The following CACHD1 variants were observed in gnomAD, a reference collection of about 807,000 sequenced individuals.
CACHD1 encodes cache domain containing 1.
CACHD1 carries 71 observed loss-of-function variants against 138.7 expected under a neutral mutation model. The ratio of observed to expected loss-of-function variants is 0.51; its 90% CI spans 0.42 to 0.62. The LOEUF (loss-of-function observed/expected upper bound fraction) is 0.62. Among genes scored for constraint, CACHD1 ranks in the 20% least tolerant of loss-of-function variants. The pLI, the probability that CACHD1 is intolerant of heterozygous loss-of-function variation, is 0.00. For synonymous variants in CACHD1, 578 were observed against 591.5 expected, an observed-to-expected ratio of 0.98 and a Z score of 0.33; for missense variants, 1,389 against 1,625.3, an observed-to-expected ratio of 0.85 and a Z score of 2.50.
At chr1:64,574,104 A>C (rs913731390) in intron 2 of CACHD1, among the ~76,000 whole-genome samples, 5 of 152,222 alleles carry the variant, frequency 3.3e-5, no homozygotes, top group African/African-American at 1.2e-4. Flanking sequence ...TAGAATTTAG[A>C]TAATTTGATC....
intron 1 of CACHD1, among the ~76,000 whole-genome samples, chr1:64,499,269 C>T (rs932589740): frequency 8.5e-5 from 13 of 152,286 alleles, no homozygotes; most frequent in African/African-American, 2.2e-4. Flanking sequence ...TTCACCATTG[C>T]GTTAAAGGCA....
chr1:64,564,927 T>C (rs947186800), intron 2 of CACHD1, among the ~76,000 whole-genome samples: 7 of 151,958 alleles, frequency 4.6e-5, no homozygotes, highest in Non-Finnish European at 1.0e-4. Context: ...GGACAATGGT[T>C]AGACAAGAGC....
At chr1:64,648,586 A>G (rs962747590) in intron 9 of CACHD1, among the ~76,000 whole-genome samples, 1 of 152,242 alleles carries the variant, frequency 6.6e-6, no homozygotes, top group Non-Finnish European at 1.5e-5. Context: ...TATAAAATCT[A>G]TGATAACACA....
At chr1:64,548,730 C>A (rs1646736637) in intron 1 of CACHD1, among the ~76,000 whole-genome samples, 1 of 152,230 alleles carries the variant, frequency 6.6e-6, no homozygotes. Flanking sequence ...AAGGACTATA[C>A]ATACACATCA....
chr1:64,603,068 G>A (rs1647242160), intron 4 of CACHD1, among the ~76,000 whole-genome samples, 156 bp downstream of exon 4: 1 of 150,880 alleles, frequency 6.6e-6, no homozygotes, highest in Admixed American at 6.6e-5. Context: ...CTCAAGAGAG[G>A]GAGAGGAAGA....
chr1:64,478,190 T>C (rs1646187924), intron 1 of CACHD1, among the ~76,000 whole-genome samples: 1 of 152,194 alleles, frequency 6.6e-6, no homozygotes, highest in Non-Finnish European at 1.5e-5. Flanking sequence ...AGTTAATACC[T>C]TTGCCCAGCA....
intron 12 of CACHD1, among the ~76,000 whole-genome samples, chr1:64,655,555 A>C (rs963132967): frequency 2.0e-5 from 3 of 152,180 alleles, no homozygotes; most frequent in Non-Finnish European, 4.4e-5. Context: ...TTTAGATTAG[A>C]AATTGGATTA....
At chr1:64,622,033 C>T (rs1389222125) in intron 4 of CACHD1, among the ~76,000 whole-genome samples, 4 of 152,106 alleles carry the variant, frequency 2.6e-5, no homozygotes, top group Non-Finnish European at 5.9e-5. Context: ...TTACCAGGGT[C>T]TTTTTTCTAG....
intron 1 of CACHD1, among the ~76,000 whole-genome samples, chr1:64,511,898 T>C (rs902883282): frequency 6.6e-6 from 1 of 152,234 alleles, no homozygotes; most frequent in Non-Finnish European, 1.5e-5. Flanking sequence ...CTGAACATGG[T>C]GGCCATCTCA....
At chr1:64,606,117 ACACACACACACACGCACACACACG>A (rs1291226727) in intron 4 of CACHD1, among the ~76,000 whole-genome samples, 2 of 151,862 alleles carry the variant, frequency 1.3e-5, no homozygotes, top group Non-Finnish European at 2.9e-5. Context: ...ACACACACAC[ACACACACACACACGCACACACACG>A]CACACAGCTT....
intron 20 of CACHD1, 27 bp from the exon 21 acceptor site, chr1:64,675,870 C>T: frequency 7.0e-7 from 1 of 1,438,454 alleles, no homozygotes; most frequent in Non-Finnish European, 9.5e-7. Flanking sequence ...TGACCTTCTG[C>T]ATAGTAACTT....
intron 1 of CACHD1, among the ~76,000 whole-genome samples, chr1:64,512,191 T>C (rs977205020): frequency 6.6e-6 from 1 of 151,948 alleles, no homozygotes; most frequent in Non-Finnish European, 1.5e-5. Context: ...GTCAGGAGTT[T>C]GATACTAGCC....
intron 1 of CACHD1, among the ~76,000 whole-genome samples, chr1:64,521,134 A>C (rs1297873671): frequency 6.6e-6 from 1 of 152,092 alleles, no homozygotes; most frequent in Non-Finnish European, 1.5e-5. Context: ...GTGGGCTTGG[A>C]GTCTTCTTCC....
At chr1:64,667,103 C>T (rs1360585438) in intron 16 of CACHD1, among the ~76,000 whole-genome samples, 1 of 152,106 alleles carries the variant, frequency 6.6e-6, no homozygotes, top group Non-Finnish European at 1.5e-5. Flanking sequence ...TTTAAGGTTT[C>T]AATATTTAAG....
chr1:64,498,007 A>G (rs1379481446), intron 1 of CACHD1, among the ~76,000 whole-genome samples: 1 of 152,180 alleles, frequency 6.6e-6, no homozygotes, highest in Non-Finnish European at 1.5e-5. Context: ...CGTGCCTGTA[A>G]TCCCAGCTAC....
At chr1:64,670,694 T>C (rs1049189518) in intron 16 of CACHD1, among the ~76,000 whole-genome samples, 3 of 152,358 alleles carry the variant, frequency 2.0e-5, no homozygotes, top group East Asian at 3.9e-4. Context: ...CTTCACTGTT[T>C]AGTTTTCTTT....
intron 1 of CACHD1, among the ~76,000 whole-genome samples, chr1:64,550,118 G>C (rs959087074): frequency 6.6e-6 from 1 of 152,140 alleles, no homozygotes; most frequent in Admixed American, 6.5e-5. Flanking sequence ...TCTCCTGACG[G>C]GGTACTTGAG....
chr1:64,665,224 G>A (rs1333173523), intron 15 of CACHD1, among the ~76,000 whole-genome samples: 5 of 151,954 alleles, frequency 3.3e-5, no homozygotes, highest in African/African-American at 1.2e-4. Context: ...GGAGGCCAAG[G>A]CAGGTGGATT....
chr1:64,520,190 G>A (rs930910563), intron 1 of CACHD1, among the ~76,000 whole-genome samples: 6 of 152,202 alleles, frequency 3.9e-5, no homozygotes, highest in Non-Finnish European at 7.3e-5. Context: ...CCACTTAGGG[G>A]ACAAGCCTAT....
Sources: allele counts gnomAD v4.1 joint callset (sites outside exome capture counted in the v4.1 genomes callset), GRCh38; gene constraint gnomAD v4.1.1; transcripts MANE v1.5; gene names NCBI Gene and HGNC (gene_info 2026-07-23, HGNC 2026-07-21).